Variants in SYN3 observed in about 807,000 individuals in gnomAD.
SYN3 encodes synapsin III, also known as synapsin-3.
Under a neutral mutation model 65.8 loss-of-function variants are expected in SYN3, and 35 were observed. That is an observed-to-expected ratio of 0.53 (90% CI 0.41 to 0.70). The LOEUF is 0.70. Among genes scored for constraint, SYN3 ranks in the 30% least tolerant of loss-of-function variants. The pLI is 0.00. For missense variants in SYN3, 680 were observed against 749.0 expected, an observed-to-expected ratio of 0.91 and a Z score of 1.08; for synonymous variants, 270 against 292.9, an observed-to-expected ratio of 0.92 and a Z score of 0.80.
At chr22:32,759,126 C>G (rs150867666) in intron 6 of SYN3, among the ~76,000 whole-genome samples, 82 of 152,256 alleles carry the variant, frequency 5.4e-4, no homozygotes, top group African/African-American at 1.8e-3. Flanking sequence ...ATGGAAGAGA[C>G]AGAAGCAAGA....
chr22:32,565,154 AC>A (rs2058654967), intron 7 of SYN3, among the ~76,000 whole-genome samples: 1 of 139,354 alleles, frequency 7.2e-6, no homozygotes, highest in African/African-American at 2.7e-5. Context: ...CCTGGGCTGC[AC>A]CCAAACAGTG....
At chr22:32,668,901 A>C (rs1208100705) in intron 6 of SYN3, among the ~76,000 whole-genome samples, 1 of 152,202 alleles carries the variant, frequency 6.6e-6, no homozygotes, top group Admixed American at 6.5e-5. Flanking sequence ...CCTGTGTTCT[A>C]GGAGCCACAT....
chr22:32,713,806 A>G (rs1410229072), intron 6 of SYN3, among the ~76,000 whole-genome samples: 9 of 148,362 alleles, frequency 6.1e-5, no homozygotes, highest in Middle Eastern at 3.5e-3. Context: ...ACTCCAGCCT[A>G]GGTGACAGAG....
At chr22:32,671,539 T>C (rs1312740330) in intron 6 of SYN3, among the ~76,000 whole-genome samples, 1 of 144,852 alleles carries the variant, frequency 6.9e-6, no homozygotes, top group Admixed American at 6.8e-5. Flanking sequence ...ACACACGCTC[T>C]CACGCAGGTG....
At chr22:32,682,003 CAT>C (rs1385945425) in intron 6 of SYN3, among the ~76,000 whole-genome samples, 5 of 78,614 alleles carry the variant, frequency 6.4e-5, no homozygotes, top group Non-Finnish European at 1.5e-4. Flanking sequence ...GAGAGTTAGT[CAT>C]GTGGGATTGG....
intron 6 of SYN3, among the ~76,000 whole-genome samples, chr22:32,796,213 C>T (rs1467055326): frequency 2.0e-5 from 3 of 152,170 alleles, no homozygotes; most frequent in Admixed American, 1.3e-4. Flanking sequence ...TTGAAACATA[C>T]ATACACACAC....
intron 6 of SYN3, among the ~76,000 whole-genome samples, chr22:32,777,447 G>T (rs111497198): frequency 6.6e-6 from 1 of 152,038 alleles, no homozygotes. Context: ...GTCCTGACTC[G>T]GTGCAATATT....
chr22:32,914,276 G>A (rs1328665659), intron 4 of SYN3, among the ~76,000 whole-genome samples: 1 of 152,202 alleles, frequency 6.6e-6, no homozygotes, highest in African/African-American at 2.4e-5. Flanking sequence ...GTAGAAAGCA[G>A]CATGGTGTAG....
intron 6 of SYN3, among the ~76,000 whole-genome samples, chr22:32,643,330 G>A (rs1972278): frequency 0.37 from 56,026 of 151,920 alleles, 11,935 homozygotes; most frequent in East Asian, 0.9. Context: ...CACCCACCTC[G>A]GCCTGCCAAA....
intron 1 of SYN3, among the ~76,000 whole-genome samples, chr22:33,021,241 T>C (rs1411185614): frequency 6.6e-6 from 1 of 152,212 alleles, no homozygotes; most frequent in African/African-American, 2.4e-5. Flanking sequence ...TACCCTGCCC[T>C]TCCTACTTCA....
intron 6 of SYN3, chr22:32,833,865 C>T (rs377515715): frequency 6.0e-6 from 3 of 500,380 alleles, no homozygotes; most frequent in Non-Finnish European, 1.2e-5. Flanking sequence ...ATGGAAAGTG[C>T]CTGATAGCTG....
At chr22:32,972,928 G>C (rs2052064724) in intron 3 of SYN3, among the ~76,000 whole-genome samples, 1 of 152,096 alleles carries the variant, frequency 6.6e-6, no homozygotes. Flanking sequence ...AGGATCACTT[G>C]AGCCCAGGAG....
At chr22:32,828,523 T>G (rs130295) in intron 6 of SYN3, among the ~76,000 whole-genome samples, 1 of 152,132 alleles carries the variant, frequency 6.6e-6, no homozygotes, top group Non-Finnish European at 1.5e-5. Context: ...CTCTTCTAGA[T>G]GAGCCTTCTA....
At chr22:32,619,419 G>C (rs2059565202) in intron 6 of SYN3, among the ~76,000 whole-genome samples, 1 of 152,156 alleles carries the variant, frequency 6.6e-6, no homozygotes, top group Non-Finnish European at 1.5e-5. Flanking sequence ...TTTGAATTGG[G>C]TCAGATAATC....
intron 4 of SYN3, chr22:32,931,065 T>C (rs140298334): frequency 4.9e-5 from 10 of 205,196 alleles, no homozygotes; most frequent in African/African-American, 2.3e-4. Flanking sequence ...GCCTCTAACT[T>C]CAGTGCATAT....
chr22:33,048,600 C>A (rs1651611242), intron 1 of SYN3, among the ~76,000 whole-genome samples: 1 of 151,954 alleles, frequency 6.6e-6, no homozygotes, highest in African/African-American at 2.4e-5. Flanking sequence ...CTCTCTGTTG[C>A]TCTCTCTCTC....
At chr22:32,784,557 G>T (rs1040387611) in intron 6 of SYN3, among the ~76,000 whole-genome samples, 26 of 152,338 alleles carry the variant, frequency 1.7e-4, no homozygotes, top group African/African-American at 5.5e-4. Flanking sequence ...CTTAGTTTCA[G>T]CCTTGCAGAG....
intron 4 of SYN3, chr22:32,931,168 C>A (rs1021031349): frequency 2.3e-5 from 10 of 443,172 alleles, no homozygotes; most frequent in African/African-American, 5.9e-5. Flanking sequence ...CAAGTCTTTT[C>A]TCTCCAAGCC....
intron 6 of SYN3, among the ~76,000 whole-genome samples, chr22:32,624,426 T>C (rs903763899): frequency 2.6e-5 from 4 of 152,196 alleles, no homozygotes; most frequent in East Asian, 3.9e-4. Flanking sequence ...GTCATACCCA[T>C]TGTCAGGCTA....
Sources: allele counts gnomAD v4.1 joint callset (sites outside exome capture counted in the v4.1 genomes callset), GRCh38; gene constraint gnomAD v4.1.1; transcripts MANE v1.5; gene names NCBI Gene and HGNC (gene_info 2026-07-23, HGNC 2026-07-21).